FHIP2A: variants seen among roughly 807,000 people sequenced by gnomAD.
The protein encoded by FHIP2A is family with sequence similarity 160 member B1.
Under a neutral mutation model 93.5 loss-of-function variants are expected in FHIP2A, and 46 were observed. The ratio of observed to expected loss-of-function variants is 0.49; its 90% confidence interval spans 0.39 to 0.63. The LOEUF (loss-of-function observed/expected upper bound fraction) is 0.63. Ranked by LOEUF, FHIP2A falls within the 20% of genes least tolerant of loss-of-function variation. The pLI, the probability that FHIP2A is intolerant of heterozygous loss-of-function variation, is 0.00. For synonymous variants in FHIP2A, 332 were observed against 326.5 expected (o/e 1.02, Z -0.18); for missense variants, 769 against 909.7 (o/e 0.85, Z 1.99).
rs1490471813 is a variant in FHIP2A, at chr10:114,851,039, G to A, written c.1803+2302G>A. Reference sequence around the variant, plus strand: ...AGCAATCCTCCTGCCTCAGCCTCCCGAGTAGCTGGGATTACAGGCTTGTGC... The same window carrying A: ...AGCAATCCTCCTGCCTCAGCCTCCCAAGTAGCTGGGATTACAGGCTTGTGC... On this transcript the variant is annotated intron_variant, in intron 13 of 16. Coordinates refer to ENST00000369248, the MANE Select transcript of FHIP2A (RefSeq NM_020940.4). Among the ~76,000 whole-genome samples, 3 of 151,988 alleles carry A rather than the reference G, an allele frequency of 2.0e-5. No homozygotes were observed. The East Asian group carries it at 5.8e-4, about 29-fold the overall frequency.
At chr10:114,848,073 G>C (rs1447134706) in intron 12 of FHIP2A, among the ~76,000 whole-genome samples, 1 of 152,146 alleles carries the variant, frequency 6.6e-6, no homozygotes, top group African/African-American at 2.4e-5. Context: ...TAAGTGTTGG[G>C]CTATTCCTTT....
intron 13 of FHIP2A, among the ~76,000 whole-genome samples, chr10:114,852,356 C>T (rs1030852820): frequency 2.6e-5 from 4 of 152,200 alleles, no homozygotes; most frequent in Non-Finnish European, 4.4e-5. Flanking sequence ...TCTAAGACCT[C>T]AGACTTTATC....
intron 14 of FHIP2A, among the ~76,000 whole-genome samples, chr10:114,858,643 A>T (rs562607784): frequency 1.4e-4 from 21 of 149,286 alleles, no homozygotes; most frequent in African/African-American, 4.2e-4. Context: ...TGATTCCTTC[A>T]TACCTAAAAT....
chr10:114,863,811 C>T lies in FHIP2A; in HGVS notation c.*2271C>T. ...AAAATGCACTATGCTGAGTGGAAAG[C>T]ACCGTCATAACAATTGATTGCCATA... On this transcript the variant is annotated 3_prime_UTR_variant, in exon 17 of 17. Transcript: ENST00000369248. The T allele has an allele frequency of 9.1e-7, 1 of 1,096,682 alleles. No homozygotes were observed. Among genetic ancestry groups the T allele is most frequent in the Non-Finnish European group, 1.1e-6 (1 of 884,426 alleles). 67.9% of individuals were successfully genotyped at this position (1,096,682 alleles called of 1,614,324 possible). A position where few individuals can be genotyped will look rare whatever the true frequency, so the allele number is the denominator to read the frequency against.
chr10:114,891,577 G>A (rs867464639), intron 16 of FHIP2A, among the ~76,000 whole-genome samples: 20 of 145,674 alleles, frequency 1.4e-4, no homozygotes, highest in Admixed American at 5.6e-4. Flanking sequence ...GTGTGTGCAC[G>A]CGTATGTATG....
chr10:114,872,187 C>CT (rs1376199022), intron 16 of FHIP2A, among the ~76,000 whole-genome samples: 1 of 152,142 alleles, frequency 6.6e-6, no homozygotes, highest in Non-Finnish European at 1.5e-5. Flanking sequence ...AGATCTGACT[C>CT]TAATTATAGA....
chr10:114,831,931 T>A (rs1383387680), intron 2 of FHIP2A, among the ~76,000 whole-genome samples: 1 of 152,200 alleles, frequency 6.6e-6, no homozygotes, highest in Non-Finnish European at 1.5e-5. Flanking sequence ...CCCTTCTCTA[T>A]CCATTGTTTT....
Position 114,864,300 on chromosome 10 carries a change from A to G in FHIP2A, c.*2760A>G, listed in dbSNP as rs1382053373. 1 of 985,036 alleles carries G rather than the reference A, an allele frequency of 1.0e-6. No homozygotes were observed. The highest frequency in any genetic ancestry group is 1.2e-6 in the Non-Finnish European group (1 of 829,280). 61.0% of individuals were successfully genotyped at this position (985,036 alleles called of 1,614,324 possible). ...TTAATTATGAAGTCCATCAGTATTG[A>G]CAGAAGACGTTACAGTGAAGTGCTA... On this transcript the variant is annotated 3_prime_UTR_variant, in exon 17 of 17. Coordinates refer to ENST00000369248, the MANE Select transcript of FHIP2A (RefSeq NM_020940.4).
rs752489790 is a variant in FHIP2A at position 114,846,408 on chromosome 10, G to T, written c.1398+41G>T. 2.0e-6 allele frequency: 3 copies of T among 1,537,276 alleles called. No homozygotes were observed. In the East Asian group the frequency reaches 6.8e-5, roughly 35 times the overall value. The stretch of plus-strand genomic sequence containing the variant: ...ATTTAGAATTGGACTTAGATTCTTT[G>T]AAATACGGTTTTAATGTATTATACT... On this transcript the variant is annotated intron_variant, in intron 10 of 16. Coordinates refer to ENST00000369248, the MANE Select transcript of FHIP2A (RefSeq NM_020940.4).
intron 16 of FHIP2A, among the ~76,000 whole-genome samples, chr10:114,890,427 A>C (rs1022716719): frequency 8.6e-5 from 13 of 150,464 alleles, no homozygotes; most frequent in Non-Finnish European, 1.5e-5. Flanking sequence ...ATGATTATAT[A>C]TATGTGTGTG....
chr10:114,856,938 A>G (rs2083770270), intron 14 of FHIP2A, among the ~76,000 whole-genome samples: 1 of 152,030 alleles, frequency 6.6e-6, no homozygotes, highest in Non-Finnish European at 1.5e-5. Flanking sequence ...GAAACCTTTT[A>G]TCTTTAAAAC....
At chr10:114,889,527 G>T (rs757990674) in intron 16 of FHIP2A, among the ~76,000 whole-genome samples, 1 of 152,104 alleles carries the variant, frequency 6.6e-6, no homozygotes, top group Non-Finnish European at 1.5e-5. Context: ...CCCCTTGTTG[G>T]TCAACACCCT....
chr10:114,890,867 G>A (rs1223899331), intron 16 of FHIP2A, among the ~76,000 whole-genome samples: 2 of 150,488 alleles, frequency 1.3e-5, no homozygotes, highest in African/African-American at 2.4e-5. Context: ...GGTTTTTGGT[G>A]TGATAATAAT....
At chr10:114,871,129 A>T (rs191902427) in intron 16 of FHIP2A, among the ~76,000 whole-genome samples, 2 of 144,922 alleles carry the variant, frequency 1.4e-5, no homozygotes, top group African/African-American at 2.6e-5. Flanking sequence ...TATATATATT[A>T]TATATATATA....
intron 16 of FHIP2A, among the ~76,000 whole-genome samples, chr10:114,882,791 CT>C (rs959393220): frequency 6.6e-6 from 1 of 151,714 alleles, no homozygotes; most frequent in African/African-American, 2.4e-5. Context: ...AGGAGAATTG[CT>C]TGAACCCAGA....
chr10:114,861,206 G>A, intron 15 of FHIP2A, 25 bp from the exon 16 acceptor site: 2 of 1,612,050 alleles, frequency 1.2e-6, no homozygotes, highest in Non-Finnish European at 1.7e-6. Flanking sequence ...TTCAGGAACT[G>A]AAGTGCCTTG....
chr10:114,843,167 G>A lies in FHIP2A; in HGVS notation c.757G>A (p.Val253Ile), dbSNP rs759746552. 1.7e-5 allele frequency: 27 copies of A among 1,613,996 alleles called. No homozygotes were observed. The highest frequency in any genetic ancestry group is 2.2e-5 in the Non-Finnish European group (26 of 1,179,968). The change falls in exon 6 of 17, where the codon GTT (valine) becomes ATT (isoleucine). Residue 253 changes from valine (V) to isoleucine (I), a missense_variant. Transcript: ENST00000369248. ...SVTSLPEASV[V>I]CPNQDYNLVN... ...CACCTCACTGCCAGAGGCCTCGGTT[G>A]TTTGTCCAAATCAGGATTACAATTT...
At chr10:114,899,395 G>A (rs1014133079) in intron 16 of FHIP2A, 3 of 697,204 alleles carry the variant, frequency 4.3e-6, no homozygotes, top group Non-Finnish European at 8.0e-6. Flanking sequence ...TCCAGGAGTT[G>A]GTTAAGCACA....
chr10:114,827,463 T>G (rs919460906), intron 1 of FHIP2A, among the ~76,000 whole-genome samples: 6 of 151,552 alleles, frequency 4.0e-5, no homozygotes, highest in African/African-American at 1.5e-4. Flanking sequence ...ATGACAAAAG[T>G]GGGATATGGG....
Sources: allele counts gnomAD v4.1 joint callset (sites outside exome capture counted in the v4.1 genomes callset), GRCh38; gene constraint gnomAD v4.1.1; transcripts MANE v1.5; gene names NCBI Gene and HGNC (gene_info 2026-07-23, HGNC 2026-07-21).